Variants in EIF4A1 observed in about 807,000 individuals in gnomAD.
EIF4A1 encodes the protein eukaryotic translation initiation factor 4A1.
A neutral mutation model predicts 53.5 loss-of-function variants in EIF4A1; 11 were observed. That is an observed-to-expected ratio of 0.21 (90% CI 0.13 to 0.34). EIF4A1 has a LOEUF of 0.34. Ranked by LOEUF, EIF4A1 falls within the 10% of genes least tolerant of loss-of-function variation. The pLI is 1.00. For missense variants in EIF4A1, 213 were observed against 530.8 expected, an observed-to-expected ratio of 0.40 and a Z score of 5.88; for synonymous variants, 237 against 186.7, an observed-to-expected ratio of 1.27 and a Z score of -2.20.
At chr17:7,574,092 A>C (rs958246076) in intron 1 of EIF4A1, 168 bp from the exon 2 acceptor site, 3 of 732,706 alleles carry the variant, frequency 4.1e-6, no homozygotes, top group Admixed American at 5.1e-5. Context: ...CAAATGCCTC[A>C]GTTTTATAGA....
At position 7,575,123 on chromosome 17, in the gene EIF4A1, T is replaced by A. The variant is rs1250791633; in HGVS notation, c.210T>A (p.Tyr70Ter). The stretch of plus-strand genomic sequence containing the variant: ...ACTCCTAATTTATTTGTTTAGGTTA[T>A]GATGTGATTGCTCAAGCCCAATCTG... ...QRAILPCIKG[Y>*]DVIAQAQSGT... The change falls in exon 4 of 11, where the codon TAT (tyrosine) becomes TAA (stop). Residue 70 changes from tyrosine to a stop codon, truncating the protein, a stop_gained. Coordinates refer to ENST00000293831, the MANE Select transcript of EIF4A1 (RefSeq NM_001416.4). LOFTEE classifies it high-confidence loss of function. 6.2e-7 allele frequency: 1 copy of A among 1,611,932 alleles called. No individual in the cohort carries two copies. The highest frequency in any genetic ancestry group is 1.3e-5 in the African/African-American group (1 of 74,806).
chr17:7,576,426 C>T, intron 4 of EIF4A1, 98 bp from the exon 5 acceptor site: 3 of 1,448,768 alleles, frequency 2.1e-6, no homozygotes, highest in Non-Finnish European at 2.7e-6. Context: ...GTGCATGCCC[C>T]AAAGTTGTTG....
At chr17:7,578,284 C>T (rs1357139010) in intron 10 of EIF4A1, 40 bp downstream of exon 10, 3 of 1,613,906 alleles carry the variant, frequency 1.9e-6, no homozygotes, top group Non-Finnish European at 2.5e-6. Context: ...CCCTTCACAC[C>T]TGGCCCTCCC....
In EIF4A1 at chr17:7,574,580, A is replaced by C. The variant is rs1270678661; in HGVS notation, c.107A>C (p.Asp36Ala). ...NWNEIVDSFDDMNLSESLLRG... is the reference protein window; with the variant it reads ...NWNEIVDSFDAMNLSESLLRG... ...AATGAGATTGTTGACAGCTTTGATG[A>C]CATGAACCTCTCGGAGTCCCTTCTC... The change falls in exon 3 of 11, where the codon GAC (aspartate) becomes GCC (alanine). Residue 36 changes from aspartate to alanine, a missense_variant. Around this residue, in one of 4 missense-constraint regions of EIF4A1, gnomAD observed 119 missense variants for 351.0 expected, o/e 0.34. Transcript: ENST00000293831. The C allele has an allele frequency of 6.2e-7, 1 of 1,612,158 alleles. No homozygotes were observed. Among genetic ancestry groups the C allele is most frequent in the African/African-American group, 1.3e-5 (1 of 74,810 alleles).
At chr17:7,578,051 G>A (rs754453711) in intron 9 of EIF4A1, 114 bp from the exon 10 acceptor site, 9 of 1,570,562 alleles carry the variant, frequency 5.7e-6, no homozygotes, top group Non-Finnish European at 7.9e-6. Context: ...TTGGGGAACT[G>A]GGATGCTTAT....
At chr17:7,575,756 G>A (rs1284037555) in intron 4 of EIF4A1, 2 of 254,494 alleles carry the variant, frequency 7.9e-6, no homozygotes, top group African/African-American at 4.4e-5. Context: ...AATGTAAGAA[G>A]TTACAGCAGA....
Position 7,578,391 on chromosome 17 carries a change from G to A in EIF4A1, c.1126G>A (p.Val376Met). Residue 376 changes from valine (V) to methionine (M), a missense_variant, in exon 11 of 11, where the codon GTG becomes ATG. Physicochemically the swap from Val to Met is conservative, Grantham distance 21. Coordinates refer to ENST00000293831, the MANE Select transcript of EIF4A1 (RefSeq NM_001416.4). ...CCGTAAAGGTGTGGCTATTAACATG[G>A]TGACAGAAGAAGACAAGAGGACTCT... ...FGRKGVAINM[V>M]TEEDKRTLRD... 6.2e-7 allele frequency: 1 copy of A among 1,613,750 alleles called. No individual in the cohort carries two copies. Among genetic ancestry groups the A allele is most frequent in the Non-Finnish European group, 8.5e-7 (1 of 1,179,842 alleles).
intron 5 of EIF4A1, 142 bp downstream of exon 5, chr17:7,576,834 G>C (rs764191113): frequency 1.4e-6 from 2 of 1,469,588 alleles, no homozygotes; most frequent in Non-Finnish European, 1.9e-6. Flanking sequence ...GCCCATGCGT[G>C]TCATCTGAGC....
In EIF4A1 at chr17:7,578,418, C is replaced by A. The variant is rs1029310528; in HGVS notation, c.1153C>A (p.Arg385=). 3.7e-6 allele frequency: 6 copies of A among 1,613,692 alleles called. No individual in the cohort carries two copies. The highest frequency in any genetic ancestry group is 3.3e-5 in the Admixed American group (2 of 59,962). The change falls in exon 11 of 11, where the codon CGA becomes AGA. Residue 385 remains arginine (R), a synonymous_variant. Coordinates refer to ENST00000293831, the MANE Select transcript of EIF4A1 (RefSeq NM_001416.4). ...GACAGAAGAAGACAAGAGGACTCTT[C>A]GAGACATTGAGACCTTCTACAACAC... The part of the protein sequence containing the change: ...MVTEEDKRTL[R]DIETFYNTSI...
chr17:7,574,421 T>TA, intron 2 of EIF4A1, 113 bp downstream of exon 2: 2 of 1,604,874 alleles, frequency 1.2e-6, no homozygotes, highest in Admixed American at 1.7e-5. Flanking sequence ...CTGGTTTCCC[T>TA]AAAGGGAGGA....
chr17:7,573,263 TTCCGG>T, intron 1 of EIF4A1: 6 of 358,716 alleles, frequency 1.7e-5, no homozygotes, highest in Non-Finnish European at 2.1e-5. Context: ...GCGCGCGGGG[TTCCGG>T]AGCATTCTGA....
At chr17:7,575,435 T>G in intron 4 of EIF4A1, 177 bp downstream of exon 4, 1 of 976,866 alleles carries the variant, frequency 1.0e-6, no homozygotes, top group East Asian at 2.6e-5. Context: ...AACCATTGCT[T>G]CCTCCACCCA....
At chr17:7,575,959 G>A in intron 4 of EIF4A1, 1 of 158,712 alleles carries the variant, frequency 6.3e-6, no homozygotes, top group East Asian at 1.8e-4. Context: ...GATCTCTTGA[G>A]ATCAGGAGTT....
Position 7,577,196 on chromosome 17 carries a change from A to AT in EIF4A1, c.624+33dup. 1 of 1,570,414 alleles carries AT rather than the reference A, an allele frequency of 6.4e-7. No individual in the cohort carries two copies. The highest frequency in any genetic ancestry group is 8.6e-7 in the Non-Finnish European group (1 of 1,162,296). ...GGCAGTCTTGCTTGAATAGCTAATG[A>AT]TTCTTGAAAAATAGTAAGTGCCAGG... On this transcript the variant is annotated intron_variant, in intron 6 of 10. Coordinates refer to ENST00000293831, the MANE Select transcript of EIF4A1 (RefSeq NM_001416.4). The surrounding 1 kb of genome is among the most constrained non-coding windows in gnomAD (Gnocchi z 4.7).
rs1252023818 is a variant in EIF4A1, at chr17:7,576,535, G to A, written c.357G>A (p.Val119=). The change falls in exon 5 of 11, where the codon GTG becomes GTA. Residue 119 remains valine (V), a synonymous_variant. Coordinates refer to ENST00000293831, the MANE Select transcript of EIF4A1 (RefSeq NM_001416.4). ...TRELAQQIQK[V]VMALGDYMGA... The stretch of plus-strand genomic sequence containing the variant: ...CTCTCTCTGCTCAGATACAGAAGGT[G>A]GTCATGGCACTAGGAGACTACATGG... 1 of 1,590,716 alleles carries A rather than the reference G, an allele frequency of 6.3e-7. No individual in the cohort carries two copies. The highest frequency in any genetic ancestry group is 1.8e-5 in the Admixed American group (1 of 56,578).
rs778405177 is a variant in EIF4A1 at position 7,572,839 on chromosome 17, A to T, written c.-3A>T. The T allele has an allele frequency of 5.0e-6, 8 of 1,614,138 alleles. No homozygotes were observed. Among genetic ancestry groups the T allele is most frequent in the East Asian group, 2.2e-5 (1 of 44,886 alleles). ...GGGCACTCCGCCCTAGTTTCTAAGGATCATGTCTGCGAGCCAGGATTCCCG... is the reference window on the plus strand; with the variant it reads ...GGGCACTCCGCCCTAGTTTCTAAGGTTCATGTCTGCGAGCCAGGATTCCCG... On this transcript the variant is annotated 5_prime_UTR_variant, in exon 1 of 11. Coordinates refer to ENST00000293831, the MANE Select transcript of EIF4A1 (RefSeq NM_001416.4).
intron 2 of EIF4A1, 59 bp downstream of exon 2, chr17:7,574,367 T>G: frequency 2.5e-6 from 4 of 1,612,746 alleles, no homozygotes; most frequent in Non-Finnish European, 3.4e-6. Flanking sequence ...CCGTATAGAG[T>G]TAGAGTGGCC....
Position 7,574,672 on chromosome 17 carries a change from A to G in EIF4A1, c.199A>G (p.Ile67Val). Residue 67 changes from isoleucine (I) to valine (V), a missense_variant, in exon 3 of 11, where the codon ATC (isoleucine) becomes GTC (valine). Transcript: ENST00000293831. ...CCAGCAGCGAGCCATTCTACCTTGT[A>G]TCAAGGGTGAGACCTCTCAGTCCCA... ...AIQQRAILPC[I>V]KGYDVIAQAQ... 1 of 1,612,428 alleles carries G rather than the reference A, an allele frequency of 6.2e-7. No individual in the cohort carries two copies. The highest frequency in any genetic ancestry group is 8.5e-7 in the Non-Finnish European group (1 of 1,180,014).
chr17:7,576,884 C>T (rs1418626068), intron 5 of EIF4A1, 172 bp from the exon 6 acceptor site: 3 of 1,328,264 alleles, frequency 2.3e-6, no homozygotes, highest in South Asian at 1.2e-5. Flanking sequence ...CAGTGTCCTA[C>T]TTCCCAGGGC....
Sources: gnomAD v4.1 joint callset for allele counts on GRCh38, gnomAD v4.1.1 for gene constraint, gnomAD v4.1.1 regional missense constraint, Gnocchi (gnomAD v3.1) non-coding constraint, MANE v1.5 for transcripts, NCBI Gene and HGNC (gene_info 2026-07-23, HGNC 2026-07-21) for gene names.